The following SV2C variants were observed in gnomAD, a reference collection of about 807,000 sequenced individuals.
SV2C encodes the protein synaptic vesicle glycoprotein 2C, also known as solute carrier family 22 member B3.
Under a neutral mutation model 79.7 loss-of-function variants are expected in SV2C, and 49 were observed. That is an observed-to-expected ratio of 0.61 (90% CI 0.49 to 0.78). The LOEUF (loss-of-function observed/expected upper bound fraction) is 0.78, where lower values mean the gene tolerates loss of function less well. Among genes scored for constraint, SV2C ranks in the 30% least tolerant of loss-of-function variants. The pLI, the probability that SV2C is intolerant of heterozygous loss-of-function variation, is 0.00. For missense variants in SV2C, 833 were observed against 912.9 expected (o/e 0.91, Z 1.13); for synonymous variants, 334 against 333.2 (o/e 1.00, Z -0.03).
intron 4 of SV2C, among the ~76,000 whole-genome samples, chr5:76,233,774 A>G (rs1203990425): frequency 6.7e-6 from 1 of 148,788 alleles, no homozygotes; most frequent in Non-Finnish European, 1.5e-5. Context: ...CCAGCCTTGC[A>G]TCCCAGGGAT....
At chr5:75,861,617 A>G in the SV2C span, among the ~76,000 whole-genome samples, 1 of 145,718 alleles carries the variant, frequency 6.9e-6, no homozygotes, top group Non-Finnish European at 1.5e-5. Context: ...CATGGTACAT[A>G]CACACCATGG....
chr5:76,058,055 C>T, the SV2C span, among the ~76,000 whole-genome samples: 1 of 152,062 alleles, frequency 6.6e-6, no homozygotes, highest in Non-Finnish European at 1.5e-5. Flanking sequence ...ACTATTATGG[C>T]ATATTTCATT....
At chr5:75,855,211 T>C in the SV2C span, among the ~76,000 whole-genome samples, 1 of 152,210 alleles carries the variant, frequency 6.6e-6, no homozygotes, top group South Asian at 2.1e-4. Context: ...TGGGCATTTA[T>C]TGATCTTACA....
intron 4 of SV2C, among the ~76,000 whole-genome samples, chr5:76,263,725 G>C (rs2972822): frequency 0.12 from 18,768 of 152,120 alleles, 1,284 homozygotes; most frequent in Middle Eastern, 0.2. Flanking sequence ...ACTTATGAAA[G>C]TTAGTTTGGC....
chr5:75,983,085 G>C, the SV2C span, among the ~76,000 whole-genome samples: 1 of 152,092 alleles, frequency 6.6e-6, no homozygotes, highest in African/African-American at 2.4e-5. Context: ...GTTTACCTAT[G>C]TAACAAACCT....
chr5:75,871,174 C>T, the SV2C span, among the ~76,000 whole-genome samples: 6 of 152,162 alleles, frequency 3.9e-5, no homozygotes, highest in African/African-American at 9.6e-5. Context: ...GCAAAAAAGA[C>T]ATTTCATATA....
the SV2C span, among the ~76,000 whole-genome samples, chr5:75,944,613 G>C: frequency 6.6e-6 from 1 of 152,076 alleles, no homozygotes; most frequent in Admixed American, 6.6e-5. Flanking sequence ...GTGGAGAAGG[G>C]TTTCATGGAT....
In SV2C at chr5:76,143,185, C is replaced by T. The variant is rs138477180; in HGVS notation, c.580+10855C>T. 9.8e-3 allele frequency among the ~76,000 whole-genome samples: 1,495 copies of T among 152,052 alleles called. 18 individuals are homozygous for T. Among genetic ancestry groups the T allele is most frequent in the Non-Finnish European group, 0.013 (897 of 67,942 alleles). On this transcript the variant is annotated intron_variant, in intron 2 of 12. Transcript: ENST00000502798. ...CTGGGATTACAGGTGTGAGCCACCACGCCTGGCTGGCCTCTTCAATTTTTT... is the reference window on the plus strand; with the variant it reads ...CTGGGATTACAGGTGTGAGCCACCATGCCTGGCTGGCCTCTTCAATTTTTT...
chr5:76,237,886 A>G (rs971510950), intron 4 of SV2C, among the ~76,000 whole-genome samples: 4 of 151,972 alleles, frequency 2.6e-5, no homozygotes, highest in African/African-American at 9.7e-5. Flanking sequence ...TAATATTCAA[A>G]TGTGTCTGTT....
chr5:76,067,415 GCAGT>G, the SV2C span, among the ~76,000 whole-genome samples: 29,277 of 151,708 alleles, frequency 0.19, 3,107 homozygotes, highest in East Asian at 0.43. Flanking sequence ...ATCTTTGGAA[GCAGT>G]CAATGAATTA....
At position 76,156,978 on chromosome 5, in the gene SV2C, C is replaced by T. The variant is rs368802579; in HGVS notation, c.580+24648C>T. Among the ~76,000 whole-genome samples, 64 of 151,972 alleles carry T rather than the reference C, an allele frequency of 4.2e-4. No homozygotes were observed. In the East Asian group the frequency reaches 0.012, roughly 28 times the overall value. On this transcript the variant is annotated intron_variant, in intron 2 of 12. Transcript: ENST00000502798. ...GAAGGAGAGGAAAAAGAGAAAGGAG[C>T]AGAAAAAATATTAGAAGAAATAATA...
At chr5:75,961,343 G>T in the SV2C span, among the ~76,000 whole-genome samples, 1 of 151,466 alleles carries the variant, frequency 6.6e-6, no homozygotes, top group South Asian at 2.1e-4. Context: ...TATTTTTCTT[G>T]CCTTTATTTT....
At chr5:75,973,956 G>T in the SV2C span, among the ~76,000 whole-genome samples, 3 of 151,810 alleles carry the variant, frequency 2.0e-5, no homozygotes, top group Admixed American at 2.0e-4. Flanking sequence ...TGTTAAAGAT[G>T]GGAATATGGT....
chr5:76,078,197 C>T, the SV2C span, among the ~76,000 whole-genome samples: 3 of 152,148 alleles, frequency 2.0e-5, no homozygotes, highest in Non-Finnish European at 4.4e-5. Flanking sequence ...TATCTCCAGA[C>T]ACAAGTGATG....
chr5:76,000,359 G>C, the SV2C span, among the ~76,000 whole-genome samples: 2,010 of 152,226 alleles, frequency 0.013, 43 homozygotes, highest in African/African-American at 0.044. Context: ...CCACACACCT[G>C]TTATTCCTAC....
intron 8 of SV2C, among the ~76,000 whole-genome samples, chr5:76,294,190 T>A (rs1033154880): frequency 6.6e-5 from 10 of 152,136 alleles, no homozygotes; most frequent in African/African-American, 2.4e-4. Flanking sequence ...AGGTATCGTG[T>A]GAACCACAGA....
chr5:76,194,978 A>G lies in SV2C; in HGVS notation c.640A>G (p.Lys214Glu), dbSNP rs1156685814. The part of the protein sequence containing the change: ...GAFFWGGLAD[K>E]VGRKQSLLIC... ...GTTCTTCTGGGGAGGACTGGCAGAC[A>G]AAGTGGGAAGGAAACAGTCTCTTCT... is the stretch of plus-strand genomic sequence containing the variant. Residue 214 changes from lysine (K) to glutamate (E), a missense_variant, in exon 3 of 13, where the codon AAA (lysine) becomes GAA (glutamate). Transcript: ENST00000502798. 1 of 1,614,052 alleles carries G rather than the reference A, an allele frequency of 6.2e-7. No homozygotes were observed. Among genetic ancestry groups the G allele is most frequent in the East Asian group, 2.2e-5 (1 of 44,872 alleles).
At chr5:75,949,083 C>T in the SV2C span, among the ~76,000 whole-genome samples, 2 of 151,820 alleles carry the variant, frequency 1.3e-5, no homozygotes, top group East Asian at 3.9e-4. Context: ...AGAATCGATC[C>T]TGTAGCGTGT....
the SV2C span, among the ~76,000 whole-genome samples, chr5:75,957,861 A>G: frequency 2.0e-5 from 3 of 152,028 alleles, no homozygotes; most frequent in Admixed American, 2.0e-4. Flanking sequence ...TGCACTTCCT[A>G]GATAGACAAG....
Sources: gnomAD v4.1 joint callset for allele counts (sites outside exome capture counted in the v4.1 genomes callset) on GRCh38, gnomAD v4.1.1 for gene constraint, MANE v1.5 for transcripts, NCBI Gene and HGNC (gene_info 2026-07-23, HGNC 2026-07-21) for gene names.